DTNBP1: variants seen among roughly 807,000 people sequenced by gnomAD.
DTNBP1 encodes the protein dysbindin.
A neutral mutation model predicts 42.8 loss-of-function variants in DTNBP1; 35 were observed. That is an observed-to-expected ratio of 0.82 (90% CI 0.63 to 1.09). The LOEUF is 1.09. Among genes scored for constraint, DTNBP1 ranks in the 50% least tolerant of loss-of-function variants. The pLI, the probability that DTNBP1 is intolerant of heterozygous loss-of-function variation, is 0.00. For missense variants in DTNBP1, 457 were observed against 424.2 expected (o/e 1.08, Z -0.68); for synonymous variants, 171 against 162.2 (o/e 1.05, Z -0.41).
Position 15,637,786 on chromosome 6 carries a change from A to T in DTNBP1, c.180T>A (p.Ala60=). The part of the protein sequence containing the change: ...ELLSRYEDTW[A]ALHRRAKDCA... ...AGTCTTTGGCTCTTCTGTGAAGTGC[A>T]GCCCATGTATCCTCATACCTAAAAA... Residue 60 remains alanine (A), a synonymous_variant, in exon 4 of 10, where the codon GCT becomes GCA. Transcript: ENST00000344537. 6.2e-7 allele frequency: 1 copy of T among 1,613,654 alleles called. No homozygotes were observed. Among genetic ancestry groups the T allele is most frequent in the Non-Finnish European group, 8.5e-7 (1 of 1,180,014 alleles).
rs984335749 is a variant in DTNBP1, at chr6:15,533,114, C to T, written c.667+126G>A. 2.7e-6 allele frequency: 4 copies of T among 1,466,252 alleles called. No homozygotes were observed. In the African/African-American group the frequency reaches 5.6e-5, roughly 20 times the overall value. 90.8% of individuals were successfully genotyped at this position (1,466,252 alleles called of 1,614,324 possible). Reference sequence around the variant, plus strand: ...TGGCCCGACGCACACATTTTGGTTGCTGGGGTCTCATAACAGAACGGAACT... The same window carrying T: ...TGGCCCGACGCACACATTTTGGTTGTTGGGGTCTCATAACAGAACGGAACT... On this transcript the variant is annotated intron_variant, in intron 8 of 9. Transcript: ENST00000344537.
chr6:15,617,559 C>A (rs370303741), intron 5 of DTNBP1, among the ~76,000 whole-genome samples: 2 of 151,968 alleles, frequency 1.3e-5, no homozygotes, highest in East Asian at 1.9e-4. Flanking sequence ...AGAAAACCCA[C>A]AAATAAATCC....
chr6:15,549,505 A>AC (rs1774090968), intron 7 of DTNBP1, among the ~76,000 whole-genome samples: 1 of 150,788 alleles, frequency 6.6e-6, no homozygotes, highest in Non-Finnish European at 1.5e-5. Flanking sequence ...AAAAAAAAAA[A>AC]AAAAAAAAAA....
chr6:15,600,985 A>C (rs1489618184), intron 6 of DTNBP1, among the ~76,000 whole-genome samples: 74 of 152,204 alleles, frequency 4.9e-4, no homozygotes, highest in Non-Finnish European at 2.9e-5. Flanking sequence ...GAGCATGCCC[A>C]AGGAGGGTCT....
intron 6 of DTNBP1, among the ~76,000 whole-genome samples, chr6:15,593,291 G>C (rs1267024089): frequency 1.3e-5 from 2 of 152,068 alleles, no homozygotes; most frequent in Non-Finnish European, 2.9e-5. Flanking sequence ...TTCTATTAAT[G>C]GCTCAAAAAA....
chr6:15,632,112 C>G (rs1759730566), intron 4 of DTNBP1, among the ~76,000 whole-genome samples: 1 of 152,082 alleles, frequency 6.6e-6, no homozygotes, highest in South Asian at 2.1e-4. Context: ...ATATCTTTTA[C>G]TCACTTTTCT....
chr6:15,567,315 T>C (rs564470626), intron 7 of DTNBP1, among the ~76,000 whole-genome samples: 23 of 151,246 alleles, frequency 1.5e-4, no homozygotes, highest in African/African-American at 4.8e-4. Context: ...TAGATGGGCA[T>C]GGTGGCAAAT....
chr6:15,654,964 G>A (rs1761202059), intron 1 of DTNBP1, among the ~76,000 whole-genome samples: 1 of 152,156 alleles, frequency 6.6e-6, no homozygotes, highest in Non-Finnish European at 1.5e-5. Context: ...GATGCAAGCT[G>A]ACATATCACA....
At chr6:15,590,791 A>C (rs1322671581) in intron 7 of DTNBP1, among the ~76,000 whole-genome samples, 6 of 152,204 alleles carry the variant, frequency 3.9e-5, no homozygotes, top group African/African-American at 1.4e-4. Context: ...CATCAACCTC[A>C]ATGGAGTATT....
intron 7 of DTNBP1, among the ~76,000 whole-genome samples, chr6:15,574,941 G>A (rs2113542938): frequency 6.6e-6 from 1 of 152,266 alleles, no homozygotes; most frequent in South Asian, 2.1e-4. Context: ...TTTCTGAACA[G>A]ACAGTTGAAA....
chr6:15,576,207 C>T (rs895700148), intron 7 of DTNBP1, among the ~76,000 whole-genome samples: 6 of 152,132 alleles, frequency 3.9e-5, no homozygotes, highest in South Asian at 2.1e-4. Context: ...CAACCTCCAC[C>T]TCCCGAGTTA....
intron 7 of DTNBP1, among the ~76,000 whole-genome samples, chr6:15,537,446 G>A (rs1008622357): frequency 4.6e-5 from 7 of 151,690 alleles, no homozygotes; most frequent in Admixed American, 6.6e-5. Context: ...AAAAAAATAC[G>A]ACTTTTGGGT....
chr6:15,651,474 A>G (rs1760993306), intron 2 of DTNBP1, 111 bp from the exon 3 acceptor site: 12 of 1,399,820 alleles, frequency 8.6e-6, no homozygotes, highest in Non-Finnish European at 1.2e-5. Flanking sequence ...TTTTAAAATC[A>G]CTAATGACAA....
At chr6:15,556,134 C>A (rs148686983) in intron 7 of DTNBP1, among the ~76,000 whole-genome samples, 1,606 of 151,872 alleles carry the variant, frequency 0.011, 27 homozygotes, top group African/African-American at 0.028. Flanking sequence ...TTAAAATGCC[C>A]AATTTAGCAG....
intron 1 of DTNBP1, among the ~76,000 whole-genome samples, chr6:15,654,415 G>A (rs1431409282): frequency 6.6e-6 from 1 of 152,028 alleles, no homozygotes; most frequent in Non-Finnish European, 1.5e-5. Flanking sequence ...AATGATTCTC[G>A]CATTATTTTT....
At chr6:15,565,097 T>C (rs1188936927) in intron 7 of DTNBP1, among the ~76,000 whole-genome samples, 3 of 152,160 alleles carry the variant, frequency 2.0e-5, no homozygotes, top group African/African-American at 7.2e-5. Flanking sequence ...AGCAAGACCC[T>C]GTCTCAGGAA....
rs146927102 is a variant in DTNBP1 at position 15,624,972 on chromosome 6, G to A, written c.355+2371C>T. On this transcript the variant is annotated intron_variant, in intron 5 of 9. Transcript: ENST00000344537. ...ACTCCATCAAATTTGGCTTCAAAGT[G>A]TTTGTTTTCCTACTGTAAAGAATAT... Among the ~76,000 whole-genome samples the A allele has an allele frequency of 4.4e-3, 668 of 152,234 alleles. 6 individuals are homozygous for A. The highest frequency in any genetic ancestry group is 0.015 in the African/African-American group (625 of 41,548).
intron 6 of DTNBP1, among the ~76,000 whole-genome samples, chr6:15,603,710 C>A (rs572528295): frequency 6.6e-6 from 1 of 152,202 alleles, no homozygotes; most frequent in Non-Finnish European, 1.5e-5. Context: ...TTGCTAAGCA[C>A]GTCTTCAGCA....
At chr6:15,523,486 G>T (rs1234036211) in intron 9 of DTNBP1, 1 of 1,283,726 alleles carries the variant, frequency 7.8e-7, no homozygotes, top group Non-Finnish European at 1.0e-6. Flanking sequence ...GCTGTAATAC[G>T]CGTGTAATAG....
Sources: gnomAD v4.1 joint callset for allele counts (sites outside exome capture counted in the v4.1 genomes callset) on GRCh38, gnomAD v4.1.1 for gene constraint, MANE v1.5 for transcripts, NCBI Gene and HGNC (gene_info 2026-07-23, HGNC 2026-07-21) for gene names.